Variants in HCFC2 observed in about 807,000 individuals in gnomAD.
HCFC2 encodes host cell factor C2, also known as host cell factor 2.
In HCFC2, 18 loss-of-function variants were observed where a neutral mutation model predicts 89.2. The observed-to-expected ratio is 0.20, with a 90% CI of 0.14 to 0.30. The LOEUF (loss-of-function observed/expected upper bound fraction) is 0.30. Ranked by LOEUF, HCFC2 falls within the 10% of genes least tolerant of loss-of-function variation. The pLI is 1.00. For missense variants in HCFC2, 578 were observed against 956.1 expected (o/e 0.60, Z 5.21); for synonymous variants, 308 against 335.7 (o/e 0.92, Z 0.90).
chr12:104,092,894 A>G (rs1237833749), intron 9 of HCFC2, among the ~76,000 whole-genome samples: 2 of 152,332 alleles, frequency 1.3e-5, no homozygotes, highest in East Asian at 1.9e-4. Context: ...ACTTCATGGT[A>G]TAGGATAATG....
chr12:104,099,186 G>A (rs1433466820), intron 13 of HCFC2, among the ~76,000 whole-genome samples: 2 of 152,106 alleles, frequency 1.3e-5, no homozygotes, highest in Middle Eastern at 3.4e-3. Flanking sequence ...CGTGGAGTGG[G>A]GAGGTGCCAC....
chr12:104,098,409 A>T lies in HCFC2; in HGVS notation c.1807A>T (p.Ile603Phe). ...AGERQWCDVG[I>F]FKNNTALVSQ... ...AGAACGACAATGGTGTGATGTGGGA[A>T]TTTTTAAAAATAATACAGCTTTGGT... Residue 603 changes from isoleucine to phenylalanine, a missense_variant, in exon 13 of 15, where the codon ATT (isoleucine) becomes TTT (phenylalanine). Coordinates refer to ENST00000229330, the MANE Select transcript of HCFC2 (RefSeq NM_013320.3). 3 of 1,613,114 alleles carry T rather than the reference A, an allele frequency of 1.9e-6. No individual in the cohort carries two copies. The highest frequency in any genetic ancestry group is 2.5e-6 in the Non-Finnish European group (3 of 1,179,634).
At chr12:104,072,502 G>C (rs7312688) in intron 3 of HCFC2, among the ~76,000 whole-genome samples, 1 of 152,072 alleles carries the variant, frequency 6.6e-6, no homozygotes, top group Admixed American at 6.5e-5. Context: ...ATGAACATGG[G>C]ATGTTTCTCC....
chr12:104,076,314 G>GT (rs1490043207), intron 3 of HCFC2, among the ~76,000 whole-genome samples: 1 of 152,122 alleles, frequency 6.6e-6, no homozygotes, highest in African/African-American at 2.4e-5. Context: ...TTTTTATTTT[G>GT]TGAGTCTAGG....
intron 3 of HCFC2, among the ~76,000 whole-genome samples, chr12:104,071,767 C>T (rs1157278534): frequency 1.3e-5 from 2 of 152,210 alleles, no homozygotes; most frequent in African/African-American, 4.8e-5. Flanking sequence ...CACTATTTTA[C>T]ATTCCCACCA....
chr12:104,098,861 G>A (rs1237051203), intron 13 of HCFC2, among the ~76,000 whole-genome samples: 4 of 152,152 alleles, frequency 2.6e-5, no homozygotes, highest in East Asian at 1.9e-4. Flanking sequence ...TTAGCCAGGC[G>A]TGGTGACGAG....
chr12:104,094,767 G>A (rs1479839057), intron 10 of HCFC2, among the ~76,000 whole-genome samples: 1 of 152,110 alleles, frequency 6.6e-6, no homozygotes, highest in South Asian at 2.1e-4. Context: ...TAAACAAAGA[G>A]GTGCGTTGTT....
chr12:104,082,766 TCAAGAC>T lies in HCFC2; in HGVS notation c.940_945del (p.Pro314_Arg315del). On this transcript the variant is annotated inframe_deletion, in exon 7 of 15. Transcript: ENST00000229330. Reference sequence around the variant, plus strand: ...AGATTCTCAGGAAGATAAAAAAAATTCAAGACCAAGACCAAGAGCTGGCCACTGTGC... The same window carrying T: ...AGATTCTCAGGAAGATAAAAAAAATTCAAGACCAAGAGCTGGCCACTGTGC... The T allele has an allele frequency of 1.9e-6, 3 of 1,613,846 alleles. No homozygotes were observed. The highest frequency in any genetic ancestry group is 2.5e-6 in the Non-Finnish European group (3 of 1,179,926).
intron 12 of HCFC2, among the ~76,000 whole-genome samples, 194 bp downstream of exon 12, chr12:104,096,627 A>T (rs926327747): frequency 1.3e-5 from 2 of 152,108 alleles, no homozygotes; most frequent in African/African-American, 2.4e-5. Context: ...AAAAAATAAC[A>T]TATGTGTTGT....
chr12:104,067,885 T>A (rs770678076), intron 2 of HCFC2, 62 bp from the exon 3 acceptor site: 33 of 1,444,968 alleles, frequency 2.3e-5, no homozygotes, highest in Non-Finnish European at 3.0e-5. Flanking sequence ...GTTGCACTAT[T>A]GACAATATAG....
chr12:104,071,958 T>C (rs1883336437), intron 3 of HCFC2, among the ~76,000 whole-genome samples: 1 of 152,268 alleles, frequency 6.6e-6, no homozygotes, highest in Non-Finnish European at 1.5e-5. Context: ...CATATATCTT[T>C]GGTGAAATTT....
At chr12:104,097,897 A>G (rs1306701859) in intron 12 of HCFC2, among the ~76,000 whole-genome samples, 1 of 152,258 alleles carries the variant, frequency 6.6e-6, no homozygotes, top group African/African-American at 2.4e-5. Flanking sequence ...TTTCAAGTGC[A>G]AAGATCACTG....
At chr12:104,079,369 C>A (rs1883613184) in intron 3 of HCFC2, 76 bp from the exon 4 acceptor site, 2 of 1,175,634 alleles carry the variant, frequency 1.7e-6, no homozygotes, top group Non-Finnish European at 1.2e-6. Context: ...CACATTTTAT[C>A]TTTATAAATA....
intron 9 of HCFC2, 23 bp from the exon 10 acceptor site, chr12:104,093,363 G>A (rs1024280476): frequency 2.6e-6 from 4 of 1,555,944 alleles, no homozygotes; most frequent in East Asian, 2.3e-5. Flanking sequence ...GCTTACTACA[G>A]TAATCTGTTA....
chr12:104,085,660 T>A (rs1223368223), intron 7 of HCFC2, among the ~76,000 whole-genome samples: 1 of 152,032 alleles, frequency 6.6e-6, no homozygotes, highest in Non-Finnish European at 1.5e-5. Flanking sequence ...TTCCTCTTGA[T>A]AAGTTAGCAT....
At chr12:104,082,941 G>T in intron 7 of HCFC2, 40 bp downstream of exon 7, 1 of 1,463,214 alleles carries the variant, frequency 6.8e-7, no homozygotes. Flanking sequence ...TTTCCTTTAG[G>T]TAAGCACTCA....
Position 104,064,711 on chromosome 12 carries a change from G to C in HCFC2, c.151G>C (p.Val51Leu). The C allele has an allele frequency of 1.3e-6, 2 of 1,564,886 alleles. No individual in the cohort carries two copies. Among genetic ancestry groups the C allele is most frequent in the Non-Finnish European group, 1.7e-6 (2 of 1,157,976 alleles). Residue 51 changes from valine (V) to leucine (L), a missense_variant, in exon 1 of 15, where the codon GTC becomes CTC. Val to Leu is a conservative substitution (Grantham distance 32). Around this residue, in one of 4 missense-constraint regions of HCFC2, gnomAD observed 206 missense variants for 419.2 expected, o/e 0.49. Transcript: ENST00000229330. The surrounding 1 kb of genome is among the most constrained non-coding windows in gnomAD (Gnocchi z 7.3). The part of the protein sequence containing the change: ...GNEGIADELH[V>L]YNTATNQWFL... ...TGAGGGCATCGCGGATGAGCTGCAC[G>C]TCTACAACACGGGTAGGCGCGGCGG...
chr12:104,082,974 C>G lies in HCFC2; in HGVS notation c.1063+73C>G, dbSNP rs868627133. ...TCAAATGTCTGCCTTTTGAGACTTA[C>G]TGTAAATGCTACTACCTCTTGTTTC... is the stretch of plus-strand genomic sequence containing the variant. On this transcript the variant is annotated intron_variant, in intron 7 of 14. Transcript: ENST00000229330. 41 of 1,029,972 alleles carry G rather than the reference C, an allele frequency of 4.0e-5. No homozygotes were observed. The Middle Eastern group carries it at 2.0e-3, about 50-fold the overall frequency. The allele number at this position is 1,029,972 out of a possible 1,614,324, so 63.8% of individuals were successfully genotyped here. A position where few individuals can be genotyped will look rare whatever the true frequency, so the allele number is the denominator to read the frequency against.
Position 104,103,000 on chromosome 12 carries a change from A to G in HCFC2, c.2106A>G (p.Ser702=), listed in dbSNP as rs765826870. 151 of 1,608,676 alleles carry G rather than the reference A, an allele frequency of 9.4e-5. 1 individual carries two copies. In the Middle Eastern group the frequency reaches 2.1e-3, roughly 23 times the overall value. Residue 702 remains serine (S), a synonymous_variant, in exon 15 of 15, where the codon TCA becomes TCG. Coordinates refer to ENST00000229330, the MANE Select transcript of HCFC2 (RefSeq NM_013320.3). ...GIHLSWEPPT[S]PSGNILEYSA... ...ACCTTTCCTGGGAACCTCCAACCTCACCTTCTGGAAATATTTTGGAATATT... is the reference window on the plus strand; with the variant it reads ...ACCTTTCCTGGGAACCTCCAACCTCGCCTTCTGGAAATATTTTGGAATATT...
Sources: gnomAD v4.1 joint callset for allele counts (sites outside exome capture counted in the v4.1 genomes callset) on GRCh38, gnomAD v4.1.1 for gene constraint, gnomAD v4.1.1 regional missense constraint, Gnocchi (gnomAD v3.1) non-coding constraint, MANE v1.5 for transcripts, NCBI Gene and HGNC (gene_info 2026-07-23, HGNC 2026-07-21) for gene names.